MYO9A: variants seen among roughly 807,000 people sequenced by gnomAD.
The protein encoded by MYO9A is myosin IXA.
In MYO9A, 103 loss-of-function variants were observed where a neutral mutation model predicts 293.3. The ratio of observed to expected loss-of-function variants is 0.35; its 90% CI spans 0.30 to 0.41. The LOEUF is 0.41. MYO9A is among the 10% of genes least tolerant of loss of function. The pLI, the probability that MYO9A is intolerant of heterozygous loss-of-function variation, is 1.00. For missense variants in MYO9A, 2,685 were observed against 3,033.0 expected (o/e 0.89, Z 2.69); for synonymous variants, 1,001 against 1,035.7 (o/e 0.97, Z 0.64).
chr15:71,830,944 G>A (rs371711519), intron 39 of MYO9A, among the ~76,000 whole-genome samples: 1 of 146,628 alleles, frequency 6.8e-6, no homozygotes, highest in East Asian at 2.0e-4. Flanking sequence ...CTTGAGATCA[G>A]AGTGTGAAAA....
chr15:71,986,073 A>G (rs1298208224), intron 11 of MYO9A, among the ~76,000 whole-genome samples: 1 of 152,230 alleles, frequency 6.6e-6, no homozygotes, highest in East Asian at 1.9e-4. Flanking sequence ...CATATCTGCA[A>G]AAGTTTCCAC....
intron 1 of MYO9A, among the ~76,000 whole-genome samples, chr15:72,102,821 T>C (rs2080403498): frequency 6.6e-6 from 1 of 151,916 alleles, no homozygotes; most frequent in African/African-American, 2.4e-5. Flanking sequence ...AACATTATGC[T>C]GGAGATCTCA....
intron 1 of MYO9A, among the ~76,000 whole-genome samples, chr15:72,066,496 A>AAAAG (rs1555417584): frequency 3.3e-5 from 5 of 151,230 alleles, no homozygotes; most frequent in Admixed American, 6.6e-5. Context: ...AAAAAAAAAA[A>AAAAG]AAAGAAAGAA....
chr15:71,860,969 C>CAAAAA lies in MYO9A; in HGVS notation c.6092-1178_6092-1174dup, dbSNP rs61030744. On this transcript the variant is annotated intron_variant, in intron 33 of 41. Coordinates refer to ENST00000356056, the MANE Select transcript of MYO9A (RefSeq NM_006901.4). ...GCAACAAAGTTAGACTCCATCTCAC[C>CAAAAA]AAAAAAAAAAAAAAAAAAAAAAAAA... is the stretch of plus-strand genomic sequence containing the variant. 4.1e-3 allele frequency among the ~76,000 whole-genome samples: 133 copies of CAAAAA among 32,376 alleles called. 4 individuals carry two copies. The highest frequency in any genetic ancestry group is 0.011 in the African/African-American group (96 of 9,032). 21.2% of individuals were successfully genotyped at this position (32,376 alleles called of 152,430 possible). A position where few individuals can be genotyped will look rare whatever the true frequency, so the allele number is the denominator to read the frequency against.
intron 23 of MYO9A, among the ~76,000 whole-genome samples, chr15:71,900,805 T>G (rs1052303350): frequency 7.9e-5 from 12 of 152,066 alleles, no homozygotes; most frequent in African/African-American, 2.7e-4. Context: ...AAATAAAATG[T>G]AAAATAAGGT....
intron 4 of MYO9A, among the ~76,000 whole-genome samples, chr15:72,021,747 G>T (rs1329220628): frequency 6.6e-6 from 1 of 152,142 alleles, no homozygotes; most frequent in Non-Finnish European, 1.5e-5. Flanking sequence ...AGGAAAAGCT[G>T]GCTTTGAAAA....
In MYO9A at chr15:72,077,026, C is replaced by CAA. The variant is rs34070169; in HGVS notation, c.-71-30394_-71-30393dup. ...GCTGGAAAAACTAGACAACTACATC[C>CAA]AAAAAAAAAAAAATCTCAACACAGA... On this transcript the variant is annotated intron_variant, in intron 1 of 41. Transcript: ENST00000356056. 5.6e-3 allele frequency among the ~76,000 whole-genome samples: 822 copies of CAA among 147,656 alleles called. 6 individuals carry two copies. The highest frequency in any genetic ancestry group is 0.018 in the African/African-American group (720 of 40,208).
At chr15:72,001,857 T>C (rs967087836) in intron 8 of MYO9A, among the ~76,000 whole-genome samples, 5 of 152,108 alleles carry the variant, frequency 3.3e-5, no homozygotes, top group Non-Finnish European at 5.9e-5. Flanking sequence ...TAGATTTATT[T>C]AAAATACATT....
At chr15:71,963,638 G>A (rs2147114505) in intron 13 of MYO9A, among the ~76,000 whole-genome samples, 1 of 151,842 alleles carries the variant, frequency 6.6e-6, no homozygotes, top group South Asian at 2.1e-4. Flanking sequence ...TTTTAGTAGA[G>A]ACAGGGTTTC....
chr15:72,045,311 TA>T (rs2078351839), intron 2 of MYO9A: 1 of 153,060 alleles, frequency 6.5e-6, no homozygotes, highest in Non-Finnish European at 1.5e-5. Flanking sequence ...TTGCCCAGGC[TA>T]GAGTGCAATG....
In MYO9A at chr15:71,979,566, TA is replaced by T. The variant is rs2076222299; in HGVS notation, c.1723-1275del. Reference sequence around the variant, plus strand: ...TGTCTCTTTTCTTTTTTCATTCAGCTAATGTTTCAGAGACACAACCATTTTG... The same window carrying T: ...TGTCTCTTTTCTTTTTTCATTCAGCTATGTTTCAGAGACACAACCATTTTG... On this transcript the variant is annotated intron_variant, in intron 11 of 41. Coordinates refer to ENST00000356056, the MANE Select transcript of MYO9A (RefSeq NM_006901.4). 3.3e-5 allele frequency among the ~76,000 whole-genome samples: 5 copies of T among 152,360 alleles called. 1 individual carries two copies. The highest frequency in any genetic ancestry group is 1.2e-4 in the African/African-American group (5 of 41,592).
chr15:71,946,166 T>C (rs1344415389), intron 15 of MYO9A, among the ~76,000 whole-genome samples: 2 of 152,242 alleles, frequency 1.3e-5, no homozygotes, highest in African/African-American at 2.4e-5. Context: ...TCTATAGTTT[T>C]CTTATAATGG....
intron 11 of MYO9A, among the ~76,000 whole-genome samples, chr15:71,982,023 T>C (rs1473788504): frequency 1.6e-5 from 2 of 124,618 alleles, no homozygotes; most frequent in Non-Finnish European, 3.4e-5. Flanking sequence ...TTTTTTTTTT[T>C]TTTTTTTTTT....
chr15:71,946,455 G>T (rs1395185528), intron 15 of MYO9A, among the ~76,000 whole-genome samples: 1 of 152,138 alleles, frequency 6.6e-6, no homozygotes, highest in African/African-American at 2.4e-5. Flanking sequence ...CACGTAAGTT[G>T]AACTGATTGC....
chr15:71,880,587 G>A (rs1441523003), intron 28 of MYO9A, 29 bp from the exon 29 acceptor site: 1 of 1,560,106 alleles, frequency 6.4e-7, no homozygotes. Flanking sequence ...GACCCAAAAG[G>A]ACACATTTAG....
chr15:72,075,437 T>C (rs1207962610), intron 1 of MYO9A, among the ~76,000 whole-genome samples: 2 of 151,934 alleles, frequency 1.3e-5, no homozygotes, highest in Non-Finnish European at 2.9e-5. Flanking sequence ...ATGATATTAT[T>C]ATGTATAATC....
chr15:71,838,873 T>G (rs543059454), intron 39 of MYO9A, among the ~76,000 whole-genome samples: 85 of 152,306 alleles, frequency 5.6e-4, no homozygotes, highest in African/African-American at 1.9e-3. Context: ...TCCTTTCAAG[T>G]GGGAGGAAGT....
chr15:71,886,974 A>G (rs1188072201), intron 27 of MYO9A, among the ~76,000 whole-genome samples: 2 of 152,102 alleles, frequency 1.3e-5, no homozygotes, highest in African/African-American at 4.8e-5. Flanking sequence ...AAAAATTTCA[A>G]CATAATCTTG....
chr15:71,832,985 A>G (rs2054790130), intron 39 of MYO9A, among the ~76,000 whole-genome samples: 1 of 152,120 alleles, frequency 6.6e-6, no homozygotes. Context: ...AAATAATAGT[A>G]AAAGAGTAAA....
Sources: gnomAD v4.1 joint callset for allele counts (sites outside exome capture counted in the v4.1 genomes callset) on GRCh38, gnomAD v4.1.1 for gene constraint, MANE v1.5 for transcripts, NCBI Gene and HGNC (gene_info 2026-07-23, HGNC 2026-07-21) for gene names.